ZNF578: variants seen among roughly 807,000 people sequenced by gnomAD.
ZNF578 encodes the protein Putative chemokine-related protein B42.
In ZNF578, 8 loss-of-function variants were observed where a neutral mutation model predicts 8.3. The observed-to-expected ratio is 0.96, with a 90% CI of 0.56 to 1.74. ZNF578 has a LOEUF of 1.74. Ranked by LOEUF, ZNF578 falls within the 40% of genes most tolerant of loss-of-function variation. The pLI, the probability that ZNF578 is intolerant of heterozygous loss-of-function variation, is 0.00. For synonymous variants in ZNF578, 206 were observed against 232.2 expected (o/e 0.89, Z 1.03); for missense variants, 726 against 707.5 (o/e 1.03, Z -0.30).
rs998708744 is a variant in ZNF578, at chr19:52,490,201, C to A, written c.-121-1123C>A. Among the ~76,000 whole-genome samples, 7 of 152,262 alleles carry A rather than the reference C, an allele frequency of 4.6e-5. No individual in the cohort carries two copies. The South Asian group carries it at 1.2e-3, about 27-fold the overall frequency. On this transcript the variant is annotated intron_variant, in intron 2 of 5. Coordinates refer to ENST00000421239, the MANE Select transcript of ZNF578 (RefSeq NM_001099694.2). ...GTTCACTAGATAACTAAGGGCAATA[C>A]ATATATATAAAATTGCTCTATTGCC...
At chr19:52,468,518 A>G (rs2059282344) in intron 2 of ZNF578, among the ~76,000 whole-genome samples, 1 of 152,178 alleles carries the variant, frequency 6.6e-6, no homozygotes, top group Non-Finnish European at 1.5e-5. Flanking sequence ...TGTTATCCTA[A>G]AGAGTTAGAC....
At position 52,511,431 on chromosome 19, in the gene ZNF578, GTCCT is replaced by G. The variant is rs906423474; in HGVS notation, c.1053_1056del (p.Phe352ValfsTer16). ...CTTACAAGTGTAATGAATGTGGAAA[GTCCT>G]TCAGTTACAAGTCATCCCTTAGATG... On this transcript the variant is annotated frameshift_variant, in exon 6 of 6. Transcript: ENST00000421239. LOFTEE classifies it low-confidence loss of function (END_TRUNC). The G allele has an allele frequency of 3.1e-6, 5 of 1,614,078 alleles. No individual in the cohort carries two copies. The African/African-American group carries it at 6.7e-5, about 22-fold the overall frequency.
At chr19:52,501,720 G>T (rs190993872) in intron 3 of ZNF578, 107 bp from the exon 4 acceptor site, 2 of 1,120,502 alleles carry the variant, frequency 1.8e-6, no homozygotes, top group African/African-American at 1.6e-5. Flanking sequence ...GTGGGCAGTG[G>T]GGGGGGCTTC....
intron 2 of ZNF578, among the ~76,000 whole-genome samples, chr19:52,468,655 A>G (rs561600040): frequency 5.3e-5 from 8 of 152,226 alleles, no homozygotes; most frequent in African/African-American, 1.9e-4. Context: ...TGCCGAGGAG[A>G]TTGACATTTG....
chr19:52,459,769 A>ATATATTTTTTTTTTTTT lies in ZNF578; in HGVS notation c.-122+2812_-122+2813insATATTTTTTTTTTTTTT. Among the ~76,000 whole-genome samples, 2 of 17,620 alleles carry ATATATTTTTTTTTTTTT rather than the reference A, an allele frequency of 1.1e-4. 1 individual carries two copies. The highest frequency in any genetic ancestry group is 2.0e-4 in the Non-Finnish European group (2 of 10,084). The allele number at this position is 17,620 out of a possible 152,430, so 11.6% of individuals were successfully genotyped here. A position where few individuals can be genotyped will look rare whatever the true frequency, so the allele number is the denominator to read the frequency against. The stretch of plus-strand genomic sequence containing the variant: ...TGTGTGTGTATATATATATATATAT[A>ATATATTTTTTTTTTTTT]TTTTTTTTTTTTTTTTTTTTTTTTG... On this transcript the variant is annotated intron_variant, in intron 2 of 5. Coordinates refer to ENST00000421239, the MANE Select transcript of ZNF578 (RefSeq NM_001099694.2).
chr19:52,485,302 T>C (rs2059341089), intron 2 of ZNF578, among the ~76,000 whole-genome samples: 1 of 152,180 alleles, frequency 6.6e-6, no homozygotes, highest in South Asian at 2.1e-4. Context: ...GCTCGCCCCC[T>C]CTGAGTGGAG....
chr19:52,475,193 A>C (rs2059304196), intron 2 of ZNF578: 1 of 226,116 alleles, frequency 4.4e-6, no homozygotes, highest in African/African-American at 2.3e-5. Flanking sequence ...GCTTGAAGAC[A>C]CTCTAAAGAC....
chr19:52,469,307 T>TA (rs2059284988), intron 2 of ZNF578, among the ~76,000 whole-genome samples: 1 of 151,894 alleles, frequency 6.6e-6, no homozygotes, highest in African/African-American at 2.4e-5. Flanking sequence ...ACTACAGGTG[T>TA]GCACCACCAT....
intron 2 of ZNF578, among the ~76,000 whole-genome samples, chr19:52,472,245 A>G (rs1348343802): frequency 6.6e-6 from 1 of 152,240 alleles, no homozygotes; most frequent in Non-Finnish European, 1.5e-5. Context: ...ATTGTCTGCT[A>G]TAAAGTATCT....
chr19:52,509,518 G>A (rs1217644093), intron 5 of ZNF578, among the ~76,000 whole-genome samples: 5 of 152,228 alleles, frequency 3.3e-5, no homozygotes, highest in Non-Finnish European at 5.9e-5. Context: ...ACCAGGTGCA[G>A]TGGCTCACAC....
chr19:52,454,278 CA>C (rs1399261009), intron 1 of ZNF578: 2 of 152,240 alleles, frequency 1.3e-5, no homozygotes, highest in African/African-American at 4.8e-5. Context: ...CACTTGTGGT[CA>C]CCGAATGTGT....
Position 52,516,713 on chromosome 19 carries a change from A to C in ZNF578, c.*4559A>C, listed in dbSNP as rs1306909381. On this transcript the variant is annotated 3_prime_UTR_variant, in exon 6 of 6. Transcript: ENST00000421239. ...TTTGTAATCCTCCCCACCCTTGAGA[A>C]TGGACTTGGTGAGATCCACCCCCTG... 1.3e-5 allele frequency among the ~76,000 whole-genome samples: 2 copies of C among 152,126 alleles called. No individual in the cohort carries two copies. Among genetic ancestry groups the C allele is most frequent in the Non-Finnish European group, 2.9e-5 (2 of 68,042 alleles).
At chr19:52,476,089 T>C (rs908212596) in intron 2 of ZNF578, among the ~76,000 whole-genome samples, 1 of 151,034 alleles carries the variant, frequency 6.6e-6, no homozygotes, top group South Asian at 2.1e-4. Context: ...GGCTTATCCT[T>C]CTTATGTAAG....
chr19:52,496,315 CTCA>C (rs2059386099), intron 3 of ZNF578, among the ~76,000 whole-genome samples: 1 of 132,754 alleles, frequency 7.5e-6, no homozygotes, highest in Non-Finnish European at 1.7e-5. Context: ...CACGCTCGGC[CTCA>C]TTTGTTGTTA....
chr19:52,503,335 C>T (rs2059414020), intron 4 of ZNF578, among the ~76,000 whole-genome samples: 1 of 152,146 alleles, frequency 6.6e-6, no homozygotes, highest in African/African-American at 2.4e-5. Flanking sequence ...TGGGAGACAG[C>T]CAGCCCGGCT....
intron 2 of ZNF578, among the ~76,000 whole-genome samples, chr19:52,485,015 C>T (rs2059340015): frequency 6.7e-6 from 1 of 150,008 alleles, no homozygotes; most frequent in Non-Finnish European, 1.5e-5. Context: ...GTTTATTTCA[C>T]CTGGGTGCAG....
chr19:52,490,171 G>T (rs1010038486), intron 2 of ZNF578, among the ~76,000 whole-genome samples: 6 of 151,504 alleles, frequency 4.0e-5, no homozygotes, highest in African/African-American at 1.5e-4. Flanking sequence ...TATATTTTAC[G>T]CACAGTTCAC....
intron 2 of ZNF578, among the ~76,000 whole-genome samples, 192 bp from the exon 3 acceptor site, chr19:52,491,132 G>T (rs1163718784): frequency 1.3e-5 from 2 of 152,132 alleles, no homozygotes; most frequent in Non-Finnish European, 2.9e-5. Context: ...GGCTTCCATA[G>T]AAATGATTTG....
At chr19:52,483,205 T>A (rs4802956) in intron 2 of ZNF578, among the ~76,000 whole-genome samples, 93,010 of 151,912 alleles carry the variant, frequency 0.61, 28,597 homozygotes, top group Admixed American at 0.64. Flanking sequence ...CACCTGAAGT[T>A]GGTGGTTCGA....
Sources: allele counts gnomAD v4.1 joint callset (sites outside exome capture counted in the v4.1 genomes callset), GRCh38; gene constraint gnomAD v4.1.1; transcripts MANE v1.5; gene names NCBI Gene and HGNC (gene_info 2026-07-23, HGNC 2026-07-21).